ALDH3A2: variants seen among roughly 807,000 people sequenced by gnomAD.
ALDH3A2 encodes aldehyde dehydrogenase family 3 member A2.
In ALDH3A2, 36 loss-of-function variants were observed where a neutral mutation model predicts 51.3. The observed-to-expected ratio is 0.70, with a 90% CI of 0.54 to 0.93. The LOEUF (loss-of-function observed/expected upper bound fraction) is 0.93, where lower values mean the gene tolerates loss of function less well. ALDH3A2 is among the 40% of genes least tolerant of loss of function. The pLI is 0.00. For missense variants in ALDH3A2, 552 were observed against 603.1 expected, an observed-to-expected ratio of 0.92 and a Z score of 0.89; for synonymous variants, 199 against 219.8, an observed-to-expected ratio of 0.91 and a Z score of 0.84.
chr17:19,671,228 C>T (rs1265055838), intron 8 of ALDH3A2, among the ~76,000 whole-genome samples: 4 of 152,154 alleles, frequency 2.6e-5, no homozygotes, highest in African/African-American at 9.7e-5. Flanking sequence ...GTGTGTGGGG[C>T]CATGGATGAA....
chr17:19,664,053 C>G (rs1204071238), intron 7 of ALDH3A2, among the ~76,000 whole-genome samples: 1 of 152,176 alleles, frequency 6.6e-6, no homozygotes, highest in Non-Finnish European at 1.5e-5. Context: ...CCAGCCGCTA[C>G]TAAGAGACCA....
intron 5 of ALDH3A2, 107 bp downstream of exon 5, chr17:19,657,969 A>G (rs2084919469): frequency 1.2e-6 from 1 of 869,242 alleles, no homozygotes; most frequent in African/African-American, 1.7e-5. Flanking sequence ...GAAAATTTCA[A>G]AATCATATGT....
intron 7 of ALDH3A2, among the ~76,000 whole-genome samples, chr17:19,664,276 C>T (rs958121363): frequency 6.6e-6 from 1 of 152,114 alleles, no homozygotes; most frequent in Non-Finnish European, 1.5e-5. Flanking sequence ...ACCCTGAAGC[C>T]GAAAGTAGGC....
chr17:19,657,601 TGA>T, intron 4 of ALDH3A2, 142 bp from the exon 5 acceptor site: 3 of 708,126 alleles, frequency 4.2e-6, no homozygotes, highest in Non-Finnish European at 5.0e-6. Context: ...GATTTAGAAA[TGA>T]GTTTTTAACT....
chr17:19,675,727 T>G lies in ALDH3A2; in HGVS notation c.*155T>G. 2.2e-6 allele frequency: 2 copies of G among 901,050 alleles called. No individual in the cohort carries two copies. 55.8% of individuals were successfully genotyped at this position (901,050 alleles called of 1,614,324 possible). A position where few individuals can be genotyped will look rare whatever the true frequency, so the allele number is the denominator to read the frequency against. Reference sequence around the variant, plus strand: ...AAAAGTCATTGCCATTCATCATTAATAAAAGTTGCCATTTCAACTACGTCC... The same window carrying G: ...AAAAGTCATTGCCATTCATCATTAAGAAAAGTTGCCATTTCAACTACGTCC... On this transcript the variant is annotated 3_prime_UTR_variant, in exon 10 of 10. Coordinates refer to ENST00000176643, the MANE Select transcript of ALDH3A2 (RefSeq NM_000382.3).
At chr17:19,660,533 C>T (rs1163159742) in intron 5 of ALDH3A2, among the ~76,000 whole-genome samples, 12 of 152,182 alleles carry the variant, frequency 7.9e-5, no homozygotes, top group South Asian at 2.1e-4. Flanking sequence ...TGATTATTGA[C>T]GTTCTTTTAC....
At chr17:19,666,226 A>T (rs1300099182) in intron 8 of ALDH3A2, among the ~76,000 whole-genome samples, 1 of 152,030 alleles carries the variant, frequency 6.6e-6, no homozygotes, top group African/African-American at 2.4e-5. Context: ...ATGAGAGAGG[A>T]TGACTCCTGG....
chr17:19,673,747 A>C (rs2085153042), intron 9 of ALDH3A2, among the ~76,000 whole-genome samples: 1 of 152,182 alleles, frequency 6.6e-6, no homozygotes, highest in Non-Finnish European at 1.5e-5. Flanking sequence ...AAGAATGTTT[A>C]ACTTACTTAT....
chr17:19,653,486 C>T (rs1460471188), intron 3 of ALDH3A2, among the ~76,000 whole-genome samples: 1 of 152,160 alleles, frequency 6.6e-6, no homozygotes, highest in Non-Finnish European at 1.5e-5. Context: ...TTTCTTCCTT[C>T]TGGTGGGTTC....
Position 19,675,934 on chromosome 17 carries a change from TGCTG to T in ALDH3A2, c.*363_*366del. 2 of 333,684 alleles carry T rather than the reference TGCTG, an allele frequency of 6.0e-6. No individual in the cohort carries two copies. The highest frequency in any genetic ancestry group is 2.8e-5 in the South Asian group (1 of 35,388). The allele number at this position is 333,684 out of a possible 1,614,324, so 20.7% of individuals were successfully genotyped here. On this transcript the variant is annotated 3_prime_UTR_variant, in exon 10 of 10. Coordinates refer to ENST00000176643, the MANE Select transcript of ALDH3A2 (RefSeq NM_000382.3). ...AATGGCACTGCTCACTTCCTGCCTC[TGCTG>T]CCACCATCACTGTGTGAAGCTTTCA...
Position 19,664,957 on chromosome 17 carries a change from C to T in ALDH3A2, c.1117C>T (p.Arg373Trp), listed in dbSNP as rs372095991. ...TTTGGTCTGTCCTCAGCTCATCAAA[C>T]GGATGATTGATGAGACATCCAGTGG... ...VFSHNHKLIK[R>W]MIDETSSGGV... Residue 373 changes from arginine (R) to tryptophan (W), a missense_variant, in exon 8 of 10, where the codon CGG (arginine) becomes TGG (tryptophan). Arg to Trp is a moderately radical substitution (Grantham distance 101). Transcript: ENST00000176643. The T allele has an allele frequency of 6.8e-6, 11 of 1,613,392 alleles. No individual in the cohort carries two copies. Among genetic ancestry groups the T allele is most frequent in the Middle Eastern group, 1.7e-4 (1 of 5,832 alleles).
chr17:19,656,357 T>G lies in ALDH3A2; in HGVS notation c.472-9T>G. 6.2e-7 allele frequency: 1 copy of G among 1,611,454 alleles called. No individual in the cohort carries two copies. Among genetic ancestry groups the G allele is most frequent in the African/African-American group, 1.3e-5 (1 of 74,988 alleles). ...GCAGTGCAAGAGTTTGTGTTTCTCT[T>G]TCTTTGAGGATCTCTATATTGTTAT... is the stretch of plus-strand genomic sequence containing the variant. On this transcript the variant is annotated splice_polypyrimidine_tract_variant and intron_variant, in intron 3 of 9. Transcript: ENST00000176643.
intron 4 of ALDH3A2, 108 bp from the exon 5 acceptor site, chr17:19,657,637 A>G (rs1345897885): frequency 1.2e-6 from 1 of 867,784 alleles, no homozygotes; most frequent in Admixed American, 1.9e-5. Flanking sequence ...TGCCAGATAA[A>G]TATATGAATC....
chr17:19,670,841 G>A (rs895899905), intron 8 of ALDH3A2, among the ~76,000 whole-genome samples: 1 of 152,166 alleles, frequency 6.6e-6, no homozygotes, highest in African/African-American at 2.4e-5. Context: ...GATTACAGGC[G>A]TGAGCCACCG....
At chr17:19,653,603 C>T (rs2084849332) in intron 3 of ALDH3A2, among the ~76,000 whole-genome samples, 1 of 150,574 alleles carries the variant, frequency 6.6e-6, no homozygotes, top group Non-Finnish European at 1.5e-5. Flanking sequence ...TGGAGTTGTT[C>T]ATTCCTCCCG....
chr17:19,661,392 C>T, intron 6 of ALDH3A2, 124 bp downstream of exon 6: 11 of 1,152,030 alleles, frequency 9.5e-6, no homozygotes, highest in Non-Finnish European at 1.1e-5. Context: ...CTAAATCCTG[C>T]TTTCTGGTAT....
chr17:19,665,251 CTCTT>C (rs1419112071), intron 8 of ALDH3A2, among the ~76,000 whole-genome samples: 6 of 152,068 alleles, frequency 3.9e-5, no homozygotes, highest in African/African-American at 7.2e-5. Flanking sequence ...TCTTGTCACT[CTCTT>C]TCTGTCAGCA....
At chr17:19,652,213 T>A (rs2084825454) in intron 2 of ALDH3A2, among the ~76,000 whole-genome samples, 1 of 152,150 alleles carries the variant, frequency 6.6e-6, no homozygotes, top group Non-Finnish European at 1.5e-5. Flanking sequence ...AGGATCCAGA[T>A]AGAGAGATGT....
In ALDH3A2 at chr17:19,676,894, T is replaced by G. The variant is rs2085198365; in HGVS notation, c.*1322T>G. The G allele has an allele frequency of 6.6e-6, 1 of 152,156 alleles. No homozygotes were observed. Among genetic ancestry groups the G allele is most frequent in the African/African-American group, 2.4e-5 (1 of 41,416 alleles). The allele number at this position is 152,156 out of a possible 1,614,324, so 9.4% of individuals were successfully genotyped here. A position where few individuals can be genotyped will look rare whatever the true frequency, so the allele number is the denominator to read the frequency against. On this transcript the variant is annotated 3_prime_UTR_variant, in exon 10 of 10. Transcript: ENST00000176643. ...AAAGAGGCCTGGGATATTAGGACTT[T>G]GGGGTTTGAGAGCATCATGGGGCAG...
Sources: gnomAD v4.1 joint callset for allele counts (sites outside exome capture counted in the v4.1 genomes callset) on GRCh38, gnomAD v4.1.1 for gene constraint, MANE v1.5 for transcripts, NCBI Gene and HGNC (gene_info 2026-07-23, HGNC 2026-07-21) for gene names.